PRAM1: variants seen among roughly 807,000 people sequenced by gnomAD.
The protein encoded by PRAM1 is PML-RARA regulated adaptor molecule 1.
Under a neutral mutation model 55.3 loss-of-function variants are expected in PRAM1, and 41 were observed. That is an observed-to-expected ratio of 0.74 (90% CI 0.58 to 0.96). PRAM1 has a LOEUF of 0.96. Among genes scored for constraint, PRAM1 ranks in the 40% least tolerant of loss-of-function variants. The pLI, the probability that PRAM1 is intolerant of heterozygous loss-of-function variation, is 0.00. For synonymous variants in PRAM1, 401 were observed against 387.1 expected, an observed-to-expected ratio of 1.04 and a Z score of -0.42; for missense variants, 898 against 892.7, an observed-to-expected ratio of 1.01 and a Z score of -0.08.
Position 8,490,586 on chromosome 19 carries a change from G to A in PRAM1, c.1906+8C>T, listed in dbSNP as rs565326104. 2.5e-5 allele frequency: 39 copies of A among 1,586,900 alleles called. No homozygotes were observed. The Middle Eastern group carries it at 6.6e-4, about 27-fold the overall frequency. The stretch of plus-strand genomic sequence containing the variant: ...ACCTCCCGGGGCTGCGGGGCCGGGC[G>A]CACTCACATTTGCCTTTGGGGTCCC... On this transcript the variant is annotated splice_region_variant and intron_variant, in intron 7 of 9. Coordinates refer to ENST00000423345, the MANE Select transcript of PRAM1 (RefSeq NM_032152.5). The surrounding 1 kb of genome is among the most constrained non-coding windows in gnomAD (Gnocchi z 7.3).
At chr19:8,499,896 G>A (rs1971782179) in intron 1 of PRAM1, 116 bp from the exon 2 acceptor site, 2 of 846,436 alleles carry the variant, frequency 2.4e-6, no homozygotes, top group African/African-American at 3.7e-5. Flanking sequence ...CCCAGGCCCG[G>A]TCAGCCCTCA....
intron 1 of PRAM1, among the ~76,000 whole-genome samples, chr19:8,500,710 C>T (rs1244268863): frequency 1.3e-5 from 2 of 152,182 alleles, no homozygotes; most frequent in East Asian, 3.9e-4. Context: ...TTTTCCTCCT[C>T]CCAGCCTCTG....
intron 3 of PRAM1, 32 bp downstream of exon 3, chr19:8,498,191 C>T (rs575910180): frequency 3.1e-6 from 5 of 1,601,716 alleles, no homozygotes; most frequent in South Asian, 2.2e-5. Flanking sequence ...CCCCACAATC[C>T]GCACCCACCT....
At position 8,490,953 on chromosome 19, in the gene PRAM1, G is replaced by A. The variant is rs773130971; in HGVS notation, c.1677C>T (p.Asp559=). 6.7e-5 allele frequency: 108 copies of A among 1,613,732 alleles called. 2 individuals are homozygous for A. The East Asian group carries it at 2.3e-3, about 35-fold the overall frequency. ...DPQPQQLPPM[D]PKLLKQLRKA... ...TCCTCAGCTGCTTCAGCAACTTTGG[G>A]TCCATGGGTGGCAACTGCTGTGGCT... The change falls in exon 6 of 10, where the codon GAC becomes GAT. Residue 559 remains aspartate, a synonymous_variant. Coordinates refer to ENST00000423345, the MANE Select transcript of PRAM1 (RefSeq NM_032152.5). The surrounding 1 kb of genome is among the most constrained non-coding windows in gnomAD (Gnocchi z 7.3).
At position 8,498,936 on chromosome 19, in the gene PRAM1, C is replaced by T; in HGVS notation, c.872G>A (p.Gly291Glu). The T allele has an allele frequency of 6.2e-7, 1 of 1,613,706 alleles. No individual in the cohort carries two copies. Among genetic ancestry groups the T allele is most frequent in the Non-Finnish European group, 8.5e-7 (1 of 1,179,782 alleles). The change falls in exon 2 of 10, where the codon GGG becomes GAG. Residue 291 changes from glycine to glutamate, a missense_variant. Physicochemically the swap from Gly to Glu is moderately conservative, Grantham distance 98. Coordinates refer to ENST00000423345, the MANE Select transcript of PRAM1 (RefSeq NM_032152.5). ...FPKKPPQPELGDLTRTSSEPE... is the reference protein window; with the variant it reads ...FPKKPPQPELEDLTRTSSEPE... ...CTCTGAGGAGGTCCTGGTGAGGTCC[C>T]CAAGCTCAGGCTGCGGAGGCTTCTT...
At chr19:8,497,071 A>G (rs1399184145) in intron 4 of PRAM1, among the ~76,000 whole-genome samples, 2 of 152,092 alleles carry the variant, frequency 1.3e-5, no homozygotes, top group Admixed American at 1.3e-4. Flanking sequence ...GGATGGATGA[A>G]TGAATGGAAC....
At chr19:8,495,743 G>C (rs941037942) in intron 4 of PRAM1, among the ~76,000 whole-genome samples, 5 of 151,542 alleles carry the variant, frequency 3.3e-5, no homozygotes, top group Non-Finnish European at 7.4e-5. Flanking sequence ...AGGGAGTGGA[G>C]CGTACAGATT....
intron 1 of PRAM1, among the ~76,000 whole-genome samples, chr19:8,500,628 CT>C (rs1971793515): frequency 6.6e-6 from 1 of 151,988 alleles, no homozygotes; most frequent in African/African-American, 2.4e-5. Flanking sequence ...ACCCTGAACA[CT>C]TCCCTCCGAC....
intron 4 of PRAM1, 80 bp from the exon 5 acceptor site, chr19:8,491,237 T>G (rs1971625735): frequency 7.0e-7 from 1 of 1,437,264 alleles, no homozygotes; most frequent in Non-Finnish European, 9.5e-7. Flanking sequence ...TTGTTTGTTT[T>G]TGTGTTTTTG....
chr19:8,495,573 C>T (rs1048249923), intron 4 of PRAM1, among the ~76,000 whole-genome samples: 5 of 152,024 alleles, frequency 3.3e-5, no homozygotes, highest in African/African-American at 1.2e-4. Context: ...GGGTGCATTG[C>T]CTTACTGCCC....
intron 4 of PRAM1, among the ~76,000 whole-genome samples, chr19:8,495,161 G>A (rs1454874326): frequency 1.7e-4 from 26 of 150,964 alleles, no homozygotes; most frequent in African/African-American, 5.1e-4. Context: ...GTCCAATGGC[G>A]TGATCTTGGC....
intron 4 of PRAM1, chr19:8,491,632 G>A (rs1971631200): frequency 1.5e-5 from 3 of 194,762 alleles, no homozygotes; most frequent in South Asian, 1.7e-4. Context: ...ACCTTCTTCC[G>A]CAAGCCTTTC....
Position 8,490,472 on chromosome 19 carries a change from T to G in PRAM1, c.1940+4A>C. The G allele has an allele frequency of 1.2e-6, 2 of 1,612,898 alleles. No homozygotes were observed. The highest frequency in any genetic ancestry group is 1.1e-5 in the South Asian group (1 of 90,946). ...CCCCCACCACGGTCAGGGCTGGCAC[T>G]CACAGGGGCAGGAGCGCTGTTCTGG... is the stretch of plus-strand genomic sequence containing the variant. On this transcript the variant is annotated splice_donor_region_variant and intron_variant, in intron 8 of 9. Transcript: ENST00000423345. This position sits in a 1 kb window ranked among gnomAD's most constrained non-coding sequence, Gnocchi z 7.3.
At chr19:8,500,652 G>A (rs1454244505) in intron 1 of PRAM1, among the ~76,000 whole-genome samples, 1 of 152,140 alleles carries the variant, frequency 6.6e-6, no homozygotes, top group African/African-American at 2.4e-5. Flanking sequence ...CGGGGCCTCT[G>A]CCCTGTCCCT....
chr19:8,500,599 G>A (rs1446653735), intron 1 of PRAM1, among the ~76,000 whole-genome samples: 4 of 151,822 alleles, frequency 2.6e-5, no homozygotes, highest in Non-Finnish European at 5.9e-5. Context: ...TCCCTACCCA[G>A]CCACCTTCTC....
rs574925822 is a variant in PRAM1, at chr19:8,490,763, C to T, written c.1744-7G>A. The T allele has an allele frequency of 5.2e-5, 83 of 1,608,136 alleles. No homozygotes were observed. In the Admixed American group the frequency reaches 1.2e-3, roughly 22 times the overall value. On this transcript the variant is annotated splice_region_variant and splice_polypyrimidine_tract_variant and intron_variant, in intron 6 of 9. Transcript: ENST00000423345. This position sits in a 1 kb window ranked among gnomAD's most constrained non-coding sequence, Gnocchi z 7.3. ...CCACGATCTCCCCTTCAAACTGGGG[C>T]GCGAGATGTTAGGGCCTCTGCTTGT...
In PRAM1 at chr19:8,499,725, T is replaced by A. The variant is rs754166421; in HGVS notation, c.83A>T (p.Glu28Val). The change falls in exon 2 of 10, where the codon GAG becomes GTG. Residue 28 changes from glutamate (E) to valine (V), a missense_variant. By Grantham distance (121) the Glu-to-Val change is moderately radical (BLOSUM62 -2). Transcript: ENST00000423345. ...AGGTTTTTTGGGCAGGTCGCTGGGCTCCGGCTGAGAGGCCTGGAACTTTGC... is the reference window on the plus strand; with the variant it reads ...AGGTTTTTTGGGCAGGTCGCTGGGCACCGGCTGAGAGGCCTGGAACTTTGC... ...IKAKFQASQPEPSDLPKKPPK... is the reference protein window; with the variant it reads ...IKAKFQASQPVPSDLPKKPPK... The A allele has an allele frequency of 6.2e-7, 1 of 1,613,664 alleles. No homozygotes were observed. Among genetic ancestry groups the A allele is most frequent in the South Asian group, 1.1e-5 (1 of 91,072 alleles).
chr19:8,494,540 C>A (rs1019241557), intron 4 of PRAM1, among the ~76,000 whole-genome samples: 2 of 152,226 alleles, frequency 1.3e-5, no homozygotes, highest in African/African-American at 4.8e-5. Context: ...CTGGCCCCCG[C>A]TGAAAGCCCT....
In PRAM1 at chr19:8,497,813, A is replaced by C; in HGVS notation, c.1527T>G (p.Tyr509Ter). The C allele has an allele frequency of 6.2e-7, 1 of 1,611,152 alleles. No homozygotes were observed. Among genetic ancestry groups the C allele is most frequent in the Non-Finnish European group, 8.5e-7 (1 of 1,179,418 alleles). The change falls in exon 4 of 10, where the codon TAT becomes TAG. Residue 509 changes from tyrosine (Y) to a stop codon, truncating the protein, a stop_gained. Coordinates refer to ENST00000423345, the MANE Select transcript of PRAM1 (RefSeq NM_032152.5). LOFTEE classifies it high-confidence loss of function. ...PQVPDEIYEL[Y>*]DDVEPRDDSS... ...AGTCATCTCTGGGTTCCACATCGTC[A>C]TACAGCTCGTAGATCTCATCTGGGA...
Sources: allele counts gnomAD v4.1 joint callset (sites outside exome capture counted in the v4.1 genomes callset), GRCh38; gene constraint gnomAD v4.1.1; non-coding constraint Gnocchi (gnomAD v3.1); transcripts MANE v1.5; gene names NCBI Gene and HGNC (gene_info 2026-07-23, HGNC 2026-07-21).